The following STX3 variants were observed in gnomAD, a reference collection of about 807,000 sequenced individuals.
The protein encoded by STX3 is syntaxin 3, also known as syntaxin-3.
STX3 carries 19 observed loss-of-function variants against 40.2 expected under a neutral mutation model. The observed-to-expected ratio is 0.47, with a 90% CI of 0.33 to 0.69. The LOEUF is 0.69. Ranked by LOEUF, STX3 falls within the 30% of genes least tolerant of loss-of-function variation. STX3 has a pLI of 0.02. For synonymous variants in STX3, 122 were observed against 132.2 expected (o/e 0.92, Z 0.53); for missense variants, 364 against 366.7 (o/e 0.99, Z 0.06).
chr11:59,781,941 C>A (rs939567011), intron 2 of STX3, among the ~76,000 whole-genome samples: 2 of 152,156 alleles, frequency 1.3e-5, no homozygotes, highest in Non-Finnish European at 2.9e-5. Context: ...GTTTTCAATA[C>A]GTAAATATGC....
At chr11:59,793,041 A>G (rs1199090755) in intron 6 of STX3, 58 bp from the exon 7 acceptor site, 1 of 1,567,592 alleles carries the variant, frequency 6.4e-7, no homozygotes, top group Non-Finnish European at 8.7e-7. Flanking sequence ...CAGGGTCCTT[A>G]TCAGATGGTG....
At chr11:59,795,953 A>G (rs1378244897) in intron 9 of STX3, among the ~76,000 whole-genome samples, 1 of 152,104 alleles carries the variant, frequency 6.6e-6, no homozygotes. Flanking sequence ...GTTCTGTAGG[A>G]TGGATGCATG....
intron 2 of STX3, 96 bp downstream of exon 2, chr11:59,773,390 G>A: frequency 7.7e-7 from 1 of 1,296,454 alleles, no homozygotes; most frequent in South Asian, 1.3e-5. Context: ...GGGTAGCAGA[G>A]GAAGGTCACA....
chr11:59,796,478 T>A (rs1464969113), intron 9 of STX3, among the ~76,000 whole-genome samples: 3 of 152,198 alleles, frequency 2.0e-5, no homozygotes, highest in Non-Finnish European at 4.4e-5. Context: ...ACCTATTGCT[T>A]ATGCAGGGAT....
chr11:59,787,856 G>A (rs1341885188), intron 3 of STX3, among the ~76,000 whole-genome samples: 1 of 152,178 alleles, frequency 6.6e-6, no homozygotes, highest in Non-Finnish European at 1.5e-5. Context: ...GGTTCCTTAA[G>A]AACAGGGAAC....
intron 6 of STX3, 21 bp from the exon 7 acceptor site, chr11:59,793,078 T>C (rs775434359): frequency 1.2e-6 from 2 of 1,612,014 alleles, no homozygotes; most frequent in Admixed American, 3.3e-5. Context: ...TATTTGACGC[T>C]CTACTTCTTT....
chr11:59,782,741 CT>C (rs1244938392), intron 2 of STX3, among the ~76,000 whole-genome samples: 1 of 151,962 alleles, frequency 6.6e-6, no homozygotes, highest in Non-Finnish European at 1.5e-5. Flanking sequence ...ACCTGTAATC[CT>C]AGCACTTTGG....
At chr11:59,769,526 C>G (rs1279757601) in intron 1 of STX3, among the ~76,000 whole-genome samples, 1 of 152,158 alleles carries the variant, frequency 6.6e-6, no homozygotes, top group Non-Finnish European at 1.5e-5. Context: ...TTGGAAACAG[C>G]AGGTTTTGGA....
At position 59,804,612 on chromosome 11, in the gene STX3, T is replaced by C. The variant is rs1866010570; in HGVS notation, c.*3788T>C. ...AAACCCCATTACCACAACATGAAAA[T>C]TTAAAGTGCTTTTTCTATGGGTGGT... On this transcript the variant is annotated 3_prime_UTR_variant, in exon 11 of 11. Transcript: ENST00000337979. 6.6e-6 allele frequency: 1 copy of C among 152,130 alleles called. No individual in the cohort carries two copies. Among genetic ancestry groups the C allele is most frequent in the Admixed American group, 6.5e-5 (1 of 15,274 alleles). The allele number at this position is 152,130 out of a possible 1,614,324, so 9.4% of individuals were successfully genotyped here.
intron 10 of STX3, among the ~76,000 whole-genome samples, chr11:59,798,520 TTTG>T (rs1484845456): frequency 6.7e-5 from 9 of 135,054 alleles, no homozygotes; most frequent in African/African-American, 1.1e-4. Context: ...AAAAAACGTT[TTTG>T]TTGTTGTTGT....
chr11:59,757,793 T>A (rs1175770787), intron 1 of STX3, among the ~76,000 whole-genome samples: 1 of 152,150 alleles, frequency 6.6e-6, no homozygotes, highest in African/African-American at 2.4e-5. Context: ...AAGAATTGAG[T>A]TGATCTCAGA....
chr11:59,764,669 A>G (rs1863198546), intron 1 of STX3, among the ~76,000 whole-genome samples: 1 of 152,116 alleles, frequency 6.6e-6, no homozygotes, highest in Admixed American at 6.6e-5. Flanking sequence ...AAGTGTGTGT[A>G]GTGGGGAACA....
chr11:59,788,541 AGCTCCCGTGGTAG>A (rs543908635), intron 3 of STX3, among the ~76,000 whole-genome samples: 151 of 152,306 alleles, frequency 9.9e-4, no homozygotes, highest in Non-Finnish European at 1.8e-3. Flanking sequence ...TCTCAACCGA[AGCTCCCGTGGTAG>A]GCTCTTTCCT....
chr11:59,793,973 G>A (rs900758406), intron 8 of STX3, among the ~76,000 whole-genome samples: 6 of 151,980 alleles, frequency 3.9e-5, no homozygotes, highest in African/African-American at 1.2e-4. Context: ...TAATGGTGAC[G>A]TTTTAAAACA....
chr11:59,795,514 A>G, intron 9 of STX3, 32 bp downstream of exon 9: 1 of 1,591,438 alleles, frequency 6.3e-7, no homozygotes, highest in Non-Finnish European at 8.6e-7. Context: ...CAGAGAAGAG[A>G]GTCCATTTTG....
intron 1 of STX3, among the ~76,000 whole-genome samples, chr11:59,772,574 G>T (rs1863714964): frequency 6.6e-6 from 1 of 152,198 alleles, no homozygotes; most frequent in African/African-American, 2.4e-5. Flanking sequence ...CTTGTCCTTT[G>T]TAGGAATTGT....
intron 2 of STX3, among the ~76,000 whole-genome samples, chr11:59,781,048 G>A (rs1267198509): frequency 2.0e-5 from 3 of 149,026 alleles, no homozygotes; most frequent in Admixed American, 6.7e-5. Flanking sequence ...GTTGACTGAG[G>A]TGGCCTTTTC....
At chr11:59,789,438 C>T in intron 4 of STX3, among the ~76,000 whole-genome samples, 1 of 149,418 alleles carries the variant, frequency 6.7e-6, no homozygotes, top group South Asian at 2.1e-4. Context: ...CTGGCAACTA[C>T]ATACTTTTTT....
chr11:59,804,405 CA>C lies in STX3; in HGVS notation c.*3584del, dbSNP rs1866004001. The C allele has an allele frequency of 6.6e-6, 1 of 152,208 alleles. No individual in the cohort carries two copies. The highest frequency in any genetic ancestry group is 2.4e-5 in the African/African-American group (1 of 41,454). 9.4% of individuals were successfully genotyped at this position (152,208 alleles called of 1,614,324 possible). On this transcript the variant is annotated 3_prime_UTR_variant, in exon 11 of 11. Transcript: ENST00000337979. ...ACAGCGCCTGCTGCTTACAGGTACTCAAATATCTGCTGACTTAATTACTTAT... is the reference window on the plus strand; with the variant it reads ...ACAGCGCCTGCTGCTTACAGGTACTCAATATCTGCTGACTTAATTACTTAT...
Sources: gnomAD v4.1 joint callset for allele counts (sites outside exome capture counted in the v4.1 genomes callset) on GRCh38, gnomAD v4.1.1 for gene constraint, MANE v1.5 for transcripts, NCBI Gene and HGNC (gene_info 2026-07-23, HGNC 2026-07-21) for gene names.